The following SIRPA variants were observed in gnomAD, a reference collection of about 807,000 sequenced individuals.
SIRPA encodes the protein signal regulatory protein alpha.
In SIRPA, 9 loss-of-function variants were observed where a neutral mutation model predicts 50.3. That is an observed-to-expected ratio of 0.18 (90% CI 0.11 to 0.31). The LOEUF (loss-of-function observed/expected upper bound fraction) is 0.31. Among genes scored for constraint, SIRPA ranks in the 10% least tolerant of loss-of-function variants. The pLI is 1.00. For missense variants in SIRPA, 474 were observed against 661.6 expected (o/e 0.72, Z 3.11); for synonymous variants, 265 against 284.1 (o/e 0.93, Z 0.68).
At chr20:1,899,434 T>C (rs1984030880) in intron 1 of SIRPA, among the ~76,000 whole-genome samples, 1 of 152,172 alleles carries the variant, frequency 6.6e-6, no homozygotes, top group Non-Finnish European at 1.5e-5. Context: ...TCACATTTAC[T>C]CCAGTGTTCC....
chr20:1,915,220 G>A lies in SIRPA; in HGVS notation c.201G>A (p.Gln67=). The A allele has an allele frequency of 6.2e-7, 1 of 1,609,306 alleles. No individual in the cohort carries two copies. The highest frequency in any genetic ancestry group is 8.5e-7 in the Non-Finnish European group (1 of 1,177,538). ...ATSLIPVGPI[Q]WFRGAGPGRE... is the part of the protein sequence containing the mutation. ...CTCTGATCCCTGTGGGGCCCATCCA[G>A]TGGTTCAGAGGAGCTGGACCAGGCC... The change falls in exon 2 of 8, where the codon CAG becomes CAA. Residue 67 remains glutamine, a synonymous_variant. Transcript: ENST00000358771.
chr20:1,899,104 C>A (rs570039838), intron 1 of SIRPA, among the ~76,000 whole-genome samples: 4 of 151,934 alleles, frequency 2.6e-5, no homozygotes, highest in Admixed American at 2.6e-4. Flanking sequence ...TTTCCCCCCT[C>A]TCTCTCTCTT....
chr20:1,937,307 A>T lies in SIRPA; in HGVS notation c.1267-13A>T. ...CCTTCTCATGACTTTCTCTTTGGGT[A>T]TCTTAAATCCAGGACACAAATGATA... On this transcript the variant is annotated splice_polypyrimidine_tract_variant and intron_variant, in intron 7 of 7. Transcript: ENST00000358771. The surrounding 1 kb of genome is among the most constrained non-coding windows in gnomAD (Gnocchi z 8.3). 6.2e-7 allele frequency: 1 copy of T among 1,606,316 alleles called. No homozygotes were observed. Among genetic ancestry groups the T allele is most frequent in the Non-Finnish European group, 8.5e-7 (1 of 1,174,036 alleles).
Position 1,933,608 on chromosome 20 carries a change from C to T in SIRPA, c.1227-1107C>T, listed in dbSNP as rs1172065574. Among the ~76,000 whole-genome samples the T allele has an allele frequency of 1.3e-5, 2 of 152,162 alleles. No individual in the cohort carries two copies. The highest frequency in any genetic ancestry group is 2.9e-5 in the Non-Finnish European group (2 of 68,034). Reference sequence around the variant, plus strand: ...TGCGTGATCTTCCCCAGCAGACGTGCCCCTGCTCCTGGAGGGTTCTTTCTG... The same window carrying T: ...TGCGTGATCTTCCCCAGCAGACGTGTCCCTGCTCCTGGAGGGTTCTTTCTG... On this transcript the variant is annotated intron_variant, in intron 6 of 7. Transcript: ENST00000358771. This position sits in a 1 kb window ranked among gnomAD's most constrained non-coding sequence, Gnocchi z 4.4.
Position 1,937,769 on chromosome 20 carries a change from C to G in SIRPA, c.*201C>G, listed in dbSNP as rs73071223. The stretch of plus-strand genomic sequence containing the variant: ...CTGGGCAGCCACGGCCCCCTCCCCC[C>G]ACATTGCCACATACCTGGAGGCTGA... On this transcript the variant is annotated 3_prime_UTR_variant, in exon 8 of 8. Transcript: ENST00000358771. The surrounding 1 kb of genome is among the most constrained non-coding windows in gnomAD (Gnocchi z 8.3). 1.1e-5 allele frequency: 7 copies of G among 652,560 alleles called. No individual in the cohort carries two copies. The highest frequency in any genetic ancestry group is 1.0e-4 in the South Asian group (5 of 48,316). 40.4% of individuals were successfully genotyped at this position (652,560 alleles called of 1,614,324 possible).
intron 4 of SIRPA, among the ~76,000 whole-genome samples, chr20:1,922,974 C>A (rs1348736132): frequency 1.3e-5 from 2 of 152,170 alleles, no homozygotes; most frequent in African/African-American, 4.8e-5. Flanking sequence ...CTCACTGGCC[C>A]AGCCCCTCTT....
In SIRPA at chr20:1,924,067, C is replaced by A. The variant is rs183932823; in HGVS notation, c.1088-697C>A. ...CAATGAGGTAGAGATGACTGTTGGC[C>A]CCAGTAACAGAAGAAGCAGCCAGGG... is the stretch of plus-strand genomic sequence containing the variant. On this transcript the variant is annotated intron_variant, in intron 4 of 7. Transcript: ENST00000358771. This position sits in a 1 kb window ranked among gnomAD's most constrained non-coding sequence, Gnocchi z 4.5. Among the ~76,000 whole-genome samples the A allele has an allele frequency of 6.6e-6, 1 of 152,076 alleles. No individual in the cohort carries two copies. Among genetic ancestry groups the A allele is most frequent in the Non-Finnish European group, 1.5e-5 (1 of 68,036 alleles).
intron 1 of SIRPA, among the ~76,000 whole-genome samples, chr20:1,914,428 A>T (rs67802885): frequency 6.6e-6 from 1 of 151,678 alleles, no homozygotes; most frequent in African/African-American, 2.4e-5. Context: ...TATTTTACAG[A>T]TGAAGAAACC....
chr20:1,918,167 C>T (rs1196009240), intron 2 of SIRPA, among the ~76,000 whole-genome samples: 1 of 151,182 alleles, frequency 6.6e-6, no homozygotes, highest in Non-Finnish European at 1.5e-5. Context: ...AGAGTAGACA[C>T]CCCCAAATCA....
At chr20:1,894,743 C>T (rs1983652969), upstream of SIRPA, 1 of 148,350 alleles carries the variant, frequency 6.7e-6, no homozygotes, top group South Asian at 2.1e-4. This position sits in a 1 kb window ranked among gnomAD's most constrained non-coding sequence, Gnocchi z 4.0. Context: ...GCGCAGCTCG[C>T]AGCCCTCGCT....
chr20:1,909,213 A>G (rs996058156), intron 1 of SIRPA, among the ~76,000 whole-genome samples: 5 of 152,232 alleles, frequency 3.3e-5, no homozygotes, highest in African/African-American at 1.2e-4. Context: ...AGTACAAACA[A>G]AGAATCTACA....
chr20:1,917,019 G>C (rs1021475297), intron 2 of SIRPA, among the ~76,000 whole-genome samples: 4 of 152,154 alleles, frequency 2.6e-5, no homozygotes, highest in Non-Finnish European at 5.9e-5. Flanking sequence ...GATGCATCTC[G>C]TGCCTAGACA....
At chr20:1,922,726 ATGC>A (rs1389708947) in intron 4 of SIRPA, 81 bp downstream of exon 4, 2 of 1,419,568 alleles carry the variant, frequency 1.4e-6, no homozygotes, top group Non-Finnish European at 1.9e-6. Flanking sequence ...GTAGTAATTC[ATGC>A]TTATTATAGA....
intron 1 of SIRPA, among the ~76,000 whole-genome samples, chr20:1,908,093 G>A (rs74672771): frequency 0.042 from 6,354 of 152,242 alleles, 156 homozygotes; most frequent in Non-Finnish European, 0.048. Context: ...CACACAGGGT[G>A]TTGACCGCCA....
chr20:1,899,908 CAA>C (rs1451612222), intron 1 of SIRPA, among the ~76,000 whole-genome samples: 2 of 152,168 alleles, frequency 1.3e-5, no homozygotes, highest in Admixed American at 6.5e-5. Flanking sequence ...AGTAAGCACT[CAA>C]TACATATTAA....
At chr20:1,912,356 T>C (rs1164716851) in intron 1 of SIRPA, among the ~76,000 whole-genome samples, 2 of 152,196 alleles carry the variant, frequency 1.3e-5, no homozygotes, top group Admixed American at 6.5e-5. Flanking sequence ...AGTCCCGGGC[T>C]CCGGGCCTGC....
chr20:1,918,360 C>CCTTT lies in SIRPA; in HGVS notation c.436+2905_436+2906insCTTT, dbSNP rs745958149. 2.3e-4 allele frequency among the ~76,000 whole-genome samples: 22 copies of CCTTT among 95,684 alleles called. 1 individual carries two copies. The highest frequency in any genetic ancestry group is 4.8e-4 in the Admixed American group (4 of 8,352). 62.8% of individuals were successfully genotyped at this position (95,684 alleles called of 152,430 possible). ...ACAGGGGCACCCACCACCACACCAGCTTTTTTTTTTTTTTTTTTTTTTTGT... is the reference window on the plus strand; with the variant it reads ...ACAGGGGCACCCACCACCACACCAGCCTTTTTTTTTTTTTTTTTTTTTTTTTTGT... On this transcript the variant is annotated intron_variant, in intron 2 of 7. Coordinates refer to ENST00000358771, the MANE Select transcript of SIRPA (RefSeq NM_001040023.2).
intron 1 of SIRPA, among the ~76,000 whole-genome samples, chr20:1,911,237 TAAGTG>T (rs780510691): frequency 8.1e-4 from 124 of 152,348 alleles, no homozygotes; most frequent in Middle Eastern, 3.4e-3. Flanking sequence ...TACAGACACT[TAAGTG>T]AATGAAGCAA....
At chr20:1,907,381 C>T (rs35933317) in intron 1 of SIRPA, among the ~76,000 whole-genome samples, 7,115 of 152,292 alleles carry the variant, frequency 0.047, 245 homozygotes, top group Middle Eastern at 0.088. Flanking sequence ...GATGGGCAAC[C>T]GAAACCATCC....
Sources: gnomAD v4.1 joint callset for allele counts (sites outside exome capture counted in the v4.1 genomes callset) on GRCh38, gnomAD v4.1.1 for gene constraint, Gnocchi (gnomAD v3.1) non-coding constraint, MANE v1.5 for transcripts, NCBI Gene and HGNC (gene_info 2026-07-23, HGNC 2026-07-21) for gene names.